Variants in SIPA1L1 observed in about 807,000 individuals in gnomAD.
SIPA1L1 encodes signal-induced proliferation-associated 1-like protein 1.
Under a neutral mutation model 162.7 loss-of-function variants are expected in SIPA1L1, and 26 were observed. The ratio of observed to expected loss-of-function variants is 0.16; its 90% CI spans 0.12 to 0.22. The LOEUF (loss-of-function observed/expected upper bound fraction) is 0.22, where lower values mean the gene tolerates loss of function less well. SIPA1L1 is among the 10% of genes least tolerant of loss of function. The pLI is 1.00. For synonymous variants in SIPA1L1, 829 were observed against 837.4 expected (o/e 0.99, Z 0.17); for missense variants, 1,874 against 2,241.0 (o/e 0.84, Z 3.31).
chr14:71,346,847 C>G (rs915242095), intron 2 of SIPA1L1, among the ~76,000 whole-genome samples: 1 of 152,168 alleles, frequency 6.6e-6, no homozygotes, highest in Non-Finnish European at 1.5e-5. Context: ...AGTTATCACC[C>G]TCCTGCCTAT....
At chr14:71,650,589 G>A (rs952749480) in intron 8 of SIPA1L1, 80 bp downstream of exon 8, 30 of 1,344,218 alleles carry the variant, frequency 2.2e-5, no homozygotes, top group Non-Finnish European at 2.6e-5. Flanking sequence ...TATCCGTAAA[G>A]CAACATTGCC....
rs534622081 is a variant in SIPA1L1 at position 71,705,423 on chromosome 14, T to A, written c.3765+83T>A. The A allele has an allele frequency of 1.2e-5, 12 of 996,832 alleles. No individual in the cohort carries two copies. In the South Asian group the frequency reaches 1.6e-4, roughly 14 times the overall value. 61.7% of individuals were successfully genotyped at this position (996,832 alleles called of 1,614,324 possible). On this transcript the variant is annotated intron_variant, in intron 16 of 23. Coordinates refer to ENST00000381232, the MANE Select transcript of SIPA1L1 (RefSeq NM_001386936.1). Reference sequence around the variant, plus strand: ...ACTATGAAAATGCTCTGCTCTTTCCTCTGCATGGCCAAAGAGGAAATCATT... The same window carrying A: ...ACTATGAAAATGCTCTGCTCTTTCCACTGCATGGCCAAAGAGGAAATCATT...
At chr14:71,548,312 TC>T (rs1645232816) in intron 4 of SIPA1L1, among the ~76,000 whole-genome samples, 1 of 152,228 alleles carries the variant, frequency 6.6e-6, no homozygotes, top group Non-Finnish European at 1.5e-5. Context: ...AAGTCTGCTG[TC>T]AGCGTTTTAT....
chr14:71,633,613 G>A (rs997326077), intron 7 of SIPA1L1, among the ~76,000 whole-genome samples: 3 of 152,140 alleles, frequency 2.0e-5, no homozygotes, highest in Admixed American at 1.3e-4. Flanking sequence ...GGATGCTAGT[G>A]GACCCTGAAT....
At chr14:71,636,122 A>T (rs538312276) in intron 7 of SIPA1L1, among the ~76,000 whole-genome samples, 1 of 152,356 alleles carries the variant, frequency 6.6e-6, no homozygotes, top group African/African-American at 2.4e-5. Context: ...GGTGATTTTA[A>T]CATCTCTCCT....
intron 15 of SIPA1L1, among the ~76,000 whole-genome samples, chr14:71,703,286 G>A (rs1236434588): frequency 6.6e-6 from 1 of 152,162 alleles, no homozygotes; most frequent in African/African-American, 2.4e-5. Flanking sequence ...AGGATAAAAA[G>A]GTGTACATTT....
chr14:71,536,172 T>C (rs538339276), intron 4 of SIPA1L1, among the ~76,000 whole-genome samples: 1 of 151,530 alleles, frequency 6.6e-6, no homozygotes, highest in African/African-American at 2.4e-5. Flanking sequence ...ACTACAAAGG[T>C]TTATGTAAGC....
intron 2 of SIPA1L1, among the ~76,000 whole-genome samples, chr14:71,505,159 G>T (rs904879830): frequency 6.6e-6 from 1 of 151,962 alleles, no homozygotes; most frequent in African/African-American, 2.4e-5. Context: ...AACTATCACC[G>T]TTCTTTCATT....
intron 5 of SIPA1L1, among the ~76,000 whole-genome samples, chr14:71,603,977 T>TTATATATATC (rs1567293154): frequency 6.9e-6 from 1 of 145,038 alleles, no homozygotes; most frequent in African/African-American, 2.5e-5. Flanking sequence ...ATAGATATAT[T>TTATATATATC]TATATATATT....
intron 2 of SIPA1L1, among the ~76,000 whole-genome samples, chr14:71,443,673 G>A (rs1567030622): frequency 6.6e-6 from 1 of 152,204 alleles, no homozygotes; most frequent in East Asian, 1.9e-4. Flanking sequence ...GTTATGCTAA[G>A]CGGGTTAAGC....
In SIPA1L1 at chr14:71,724,332, A is replaced by T. The variant is rs183984478; in HGVS notation, c.4449-338A>T. On this transcript the variant is annotated intron_variant, in intron 18 of 23. Transcript: ENST00000381232. ...AGTACATCAAAAAATTAAATGATTC[A>T]TTCAATTATTTTGTTTTCGTTTGTG... 6.0e-3 allele frequency among the ~76,000 whole-genome samples: 919 copies of T among 152,308 alleles called. 10 individuals carry two copies. The highest frequency in any genetic ancestry group is 9.2e-3 in the Non-Finnish European group (627 of 68,024).
intron 10 of SIPA1L1, 135 bp downstream of exon 10, chr14:71,661,602 G>A (rs987596692): frequency 3.5e-5 from 31 of 895,810 alleles, no homozygotes; most frequent in Admixed American, 6.3e-5. Context: ...CCATGCATGC[G>A]GATGGCTGAA....
intron 2 of SIPA1L1, among the ~76,000 whole-genome samples, chr14:71,453,258 G>A (rs894715882): frequency 2.0e-5 from 3 of 152,032 alleles, no homozygotes; most frequent in Admixed American, 2.0e-4. Context: ...TAGCTTTTTT[G>A]GGGTTTCTTT....
chr14:71,338,554 T>C (rs2035324861), intron 2 of SIPA1L1, among the ~76,000 whole-genome samples: 1 of 152,102 alleles, frequency 6.6e-6, no homozygotes, highest in African/African-American at 2.4e-5. Flanking sequence ...CTAGTGATTA[T>C]CTGTCTCGAG....
chr14:71,389,345 A>G (rs1011390956), intron 2 of SIPA1L1, among the ~76,000 whole-genome samples: 1 of 152,196 alleles, frequency 6.6e-6, no homozygotes, highest in Non-Finnish European at 1.5e-5. Context: ...GATTTAACTA[A>G]CTGGAAACTG....
chr14:71,618,127 C>T (rs1488042252), intron 5 of SIPA1L1, among the ~76,000 whole-genome samples: 1 of 152,224 alleles, frequency 6.6e-6, no homozygotes, highest in African/African-American at 2.4e-5. Context: ...GCTCATCGGT[C>T]ACCTGGACAC....
chr14:71,617,553 G>C (rs940425222), intron 5 of SIPA1L1, among the ~76,000 whole-genome samples: 1 of 152,134 alleles, frequency 6.6e-6, no homozygotes, highest in Non-Finnish European at 1.5e-5. Flanking sequence ...ATTTATGATT[G>C]TAGCTTTTGT....
chr14:71,583,647 G>T (rs1433745881), intron 4 of SIPA1L1, among the ~76,000 whole-genome samples: 1 of 151,776 alleles, frequency 6.6e-6, no homozygotes, highest in Non-Finnish European at 1.5e-5. Flanking sequence ...CTTGAATTAG[G>T]AATAGAATGT....
At chr14:71,352,798 A>G (rs2036848959) in intron 2 of SIPA1L1, among the ~76,000 whole-genome samples, 1 of 152,196 alleles carries the variant, frequency 6.6e-6, no homozygotes, top group Non-Finnish European at 1.5e-5. Context: ...TAAAGTGATT[A>G]TATTGATTTG....
Sources: gnomAD v4.1 joint callset for allele counts (sites outside exome capture counted in the v4.1 genomes callset) on GRCh38, gnomAD v4.1.1 for gene constraint, MANE v1.5 for transcripts, NCBI Gene and HGNC (gene_info 2026-07-23, HGNC 2026-07-21) for gene names.